The following TRAPPC9 variants were observed in gnomAD, a reference collection of about 807,000 sequenced individuals.
The protein encoded by TRAPPC9 is trafficking protein particle complex subunit 9, also known as IKK2 binding protein.
A neutral mutation model predicts 124.0 loss-of-function variants in TRAPPC9; 83 were observed. The observed-to-expected ratio is 0.67, with a 90% CI of 0.56 to 0.80. The LOEUF is 0.80. Among genes scored for constraint, TRAPPC9 ranks in the 30% least tolerant of loss-of-function variants. The pLI is 0.00. For missense variants in TRAPPC9, 1,302 were observed against 1,508.3 expected (o/e 0.86, Z 2.27); for synonymous variants, 638 against 617.5 (o/e 1.03, Z -0.49).
At chr8:139,758,340 CT>C (rs1819996065) in intron 21 of TRAPPC9, among the ~76,000 whole-genome samples, 1 of 152,208 alleles carries the variant, frequency 6.6e-6, no homozygotes, top group Admixed American at 6.5e-5. Context: ...ACATTTCTTA[CT>C]TGGTGATGAA....
At chr8:139,953,098 T>C (rs1834747095) in intron 19 of TRAPPC9, among the ~76,000 whole-genome samples, 2 of 152,208 alleles carry the variant, frequency 1.3e-5, no homozygotes, top group African/African-American at 4.8e-5. Context: ...AATAATCAAT[T>C]ATCTACATGC....
At chr8:139,957,587 A>G (rs1343510902) in intron 19 of TRAPPC9, among the ~76,000 whole-genome samples, 2 of 152,154 alleles carry the variant, frequency 1.3e-5, no homozygotes, top group African/African-American at 4.8e-5. Context: ...CTCAGTACAC[A>G]GAGCTGTGCT....
At chr8:139,829,139 GT>G (rs1825814277) in intron 21 of TRAPPC9, among the ~76,000 whole-genome samples, 1 of 152,188 alleles carries the variant, frequency 6.6e-6, no homozygotes, top group Non-Finnish European at 1.5e-5. Context: ...TTTTCTGACT[GT>G]AACATACATA....
intron 7 of TRAPPC9, among the ~76,000 whole-genome samples, chr8:140,388,961 T>C (rs574327115): frequency 6.7e-6 from 1 of 148,514 alleles, no homozygotes; most frequent in African/African-American, 2.5e-5. Context: ...ACTGTCTTTT[T>C]TTTTTTTTTT....
chr8:139,934,940 G>A (rs2131404820), intron 19 of TRAPPC9, among the ~76,000 whole-genome samples: 1 of 152,316 alleles, frequency 6.6e-6, no homozygotes, highest in African/African-American at 2.4e-5. Flanking sequence ...GTCTTGCCAG[G>A]ACACCTGCTT....
chr8:139,941,926 G>C (rs1369121844), intron 19 of TRAPPC9, among the ~76,000 whole-genome samples: 1 of 152,226 alleles, frequency 6.6e-6, no homozygotes. Flanking sequence ...CATGGGGAGG[G>C]TCCTGCAGAT....
At chr8:140,403,938 G>A (rs576718701) in intron 6 of TRAPPC9, among the ~76,000 whole-genome samples, 13 of 152,138 alleles carry the variant, frequency 8.5e-5, no homozygotes, top group East Asian at 5.8e-4. Context: ...AATTACTGGC[G>A]GGCGTGAGCC....
intron 2 of TRAPPC9, among the ~76,000 whole-genome samples, chr8:140,448,844 C>T (rs1234109709): frequency 6.6e-6 from 1 of 152,224 alleles, no homozygotes; most frequent in Admixed American, 6.5e-5. Flanking sequence ...AGAGACAGAC[C>T]TGGTGCTTAT....
At chr8:139,781,763 C>T (rs764540405) in intron 21 of TRAPPC9, among the ~76,000 whole-genome samples, 12 of 152,012 alleles carry the variant, frequency 7.9e-5, no homozygotes, top group Middle Eastern at 3.2e-3. Context: ...TATATGGGAA[C>T]TCTGTACTTT....
At chr8:140,018,607 G>A (rs183555801) in intron 18 of TRAPPC9, among the ~76,000 whole-genome samples, 167 of 151,976 alleles carry the variant, frequency 1.1e-3, no homozygotes, top group Non-Finnish European at 1.8e-3. Context: ...GATTACAGGC[G>A]TGAGCCACCG....
chr8:140,322,405 A>G (rs2066619836), intron 9 of TRAPPC9, among the ~76,000 whole-genome samples: 1 of 152,192 alleles, frequency 6.6e-6, no homozygotes, highest in Non-Finnish European at 1.5e-5. Context: ...TGAGGAGGGT[A>G]AATATTTACT....
intron 17 of TRAPPC9, among the ~76,000 whole-genome samples, chr8:140,166,151 AC>A (rs1220858316): frequency 6.6e-6 from 1 of 152,168 alleles, no homozygotes; most frequent in Non-Finnish European, 1.5e-5. Flanking sequence ...AAAAGGCATG[AC>A]CGAAAGCTCC....
rs893387586 is a variant in TRAPPC9, at chr8:140,216,211, G to A, written c.2556+5248C>T. 2.0e-5 allele frequency among the ~76,000 whole-genome samples: 3 copies of A among 152,162 alleles called. No homozygotes were observed. The highest frequency in any genetic ancestry group is 2.9e-5 in the Non-Finnish European group (2 of 68,024). ...CAAGGGAATCCAAAAGGACAATTTC[G>A]ATGCAAGTGCCTGATATGCAAGAGT... On this transcript the variant is annotated intron_variant, in intron 17 of 22. Coordinates refer to ENST00000438773, the MANE Select transcript of TRAPPC9 (RefSeq NM_001160372.4). This position sits in a 1 kb window ranked among gnomAD's most constrained non-coding sequence, Gnocchi z 4.1.
chr8:140,023,901 T>C (rs1332339910), intron 18 of TRAPPC9, 36 bp downstream of exon 18: 2 of 1,613,746 alleles, frequency 1.2e-6, no homozygotes, highest in Non-Finnish European at 1.7e-6. Context: ...GTTGAGACTC[T>C]AGAACAAGAC....
At chr8:140,146,390 C>T (rs993161354) in intron 17 of TRAPPC9, among the ~76,000 whole-genome samples, 2 of 152,222 alleles carry the variant, frequency 1.3e-5, no homozygotes, top group Admixed American at 6.5e-5. Context: ...AGAATAGGTT[C>T]CAAGTCGCAT....
chr8:140,057,766 G>T (rs1255060236), intron 17 of TRAPPC9, among the ~76,000 whole-genome samples: 1 of 152,192 alleles, frequency 6.6e-6, no homozygotes, highest in Non-Finnish European at 1.5e-5. Context: ...ATAAGACATT[G>T]TGCCTGTGGT....
At chr8:140,223,901 T>A (rs1193821183) in intron 16 of TRAPPC9, among the ~76,000 whole-genome samples, 1 of 152,204 alleles carries the variant, frequency 6.6e-6, no homozygotes, top group Admixed American at 6.5e-5. Flanking sequence ...AGCTAAATTA[T>A]CTTACGTTAA....
chr8:140,005,037 C>A (rs775171928), intron 18 of TRAPPC9, among the ~76,000 whole-genome samples: 14 of 152,272 alleles, frequency 9.2e-5, no homozygotes, highest in African/African-American at 2.9e-4. Flanking sequence ...AGCCAGGGAA[C>A]CTAATTCAAT....
chr8:139,921,628 G>C (rs2131338301), intron 19 of TRAPPC9, among the ~76,000 whole-genome samples: 1 of 151,952 alleles, frequency 6.6e-6, no homozygotes, highest in African/African-American at 2.4e-5. Context: ...TGTGGGTAGA[G>C]AAGGACCATC....
Sources: gnomAD v4.1 joint callset for allele counts (sites outside exome capture counted in the v4.1 genomes callset) on GRCh38, gnomAD v4.1.1 for gene constraint, Gnocchi (gnomAD v3.1) non-coding constraint, MANE v1.5 for transcripts, NCBI Gene and HGNC (gene_info 2026-07-23, HGNC 2026-07-21) for gene names.